Variants in PDE4B observed in about 807,000 individuals in gnomAD.
PDE4B encodes the protein phosphodiesterase 4B.
PDE4B carries 20 observed loss-of-function variants against 82.2 expected under a neutral mutation model. That is an observed-to-expected ratio of 0.24 (90% CI 0.17 to 0.35). PDE4B has a LOEUF of 0.35. Ranked by LOEUF, PDE4B falls within the 10% of genes least tolerant of loss-of-function variation. The pLI, the probability that PDE4B is intolerant of heterozygous loss-of-function variation, is 1.00. For synonymous variants in PDE4B, 320 were observed against 318.9 expected, an observed-to-expected ratio of 1.00 and a Z score of -0.04; for missense variants, 655 against 907.2, an observed-to-expected ratio of 0.72 and a Z score of 3.57.
At chr1:66,297,986 C>T (rs1476698956) in intron 7 of PDE4B, among the ~76,000 whole-genome samples, 1 of 152,048 alleles carries the variant, frequency 6.6e-6, no homozygotes, top group Non-Finnish European at 1.5e-5. Flanking sequence ...TAAAAGTCTG[C>T]CCAAAGCTGT....
intron 3 of PDE4B, chr1:66,112,795 A>G (rs1341431992): frequency 1.3e-5 from 2 of 152,222 alleles, no homozygotes; most frequent in Non-Finnish European, 2.9e-5. Context: ...ATGTCCATCC[A>G]TCAGCAAATC....
intron 1 of PDE4B, among the ~76,000 whole-genome samples, chr1:65,912,216 C>G (rs1247480372): frequency 2.0e-5 from 3 of 152,182 alleles, no homozygotes; most frequent in East Asian, 1.9e-4. Flanking sequence ...GTCTTGTAGT[C>G]TGTTGTATGA....
intron 2 of PDE4B, among the ~76,000 whole-genome samples, chr1:65,914,223 T>C (rs1647130282): frequency 6.6e-6 from 1 of 152,220 alleles, no homozygotes; most frequent in East Asian, 1.9e-4. Flanking sequence ...GCTCACCCTA[T>C]GGGCCCTGTG....
chr1:66,329,349 A>G (rs1163734170), intron 7 of PDE4B, among the ~76,000 whole-genome samples: 2 of 152,224 alleles, frequency 1.3e-5, no homozygotes, highest in Non-Finnish European at 2.9e-5. Flanking sequence ...AAGTATTTTA[A>G]AATAAAAAGT....
In PDE4B at chr1:65,922,625, C is replaced by G. The variant is rs370331719; in HGVS notation, c.281+3790C>G. 7.4e-4 allele frequency among the ~76,000 whole-genome samples: 113 copies of G among 152,290 alleles called. 2 individuals carry two copies. The South Asian group carries it at 0.023, about 31-fold the overall frequency. On this transcript the variant is annotated intron_variant, in intron 3 of 16. Transcript: ENST00000341517. ...ACACACATAAATAGAAGGCCTACCC[C>G]TACAAAACTTGTAGCATGGAGGATC... is the stretch of plus-strand genomic sequence containing the variant.
rs1206946727 is a variant in PDE4B, at chr1:65,926,810, G to T, written c.281+7975G>T. Among the ~76,000 whole-genome samples the T allele has an allele frequency of 2.0e-5, 3 of 151,304 alleles. No homozygotes were observed. In the East Asian group the frequency reaches 5.8e-4, roughly 29 times the overall value. On this transcript the variant is annotated intron_variant, in intron 3 of 16. Coordinates refer to ENST00000341517, the MANE Select transcript of PDE4B (RefSeq NM_002600.4). Reference sequence around the variant, plus strand: ...ACACACACACACACACACCCCTTAGGCATATCATATTCAAACTTCAGAAAA... The same window carrying T: ...ACACACACACACACACACCCCTTAGTCATATCATATTCAAACTTCAGAAAA...
At chr1:66,268,831 A>C (rs1655254627) in intron 7 of PDE4B, among the ~76,000 whole-genome samples, 1 of 151,894 alleles carries the variant, frequency 6.6e-6, no homozygotes, top group Non-Finnish European at 1.5e-5. Context: ...AAGTTGGCAT[A>C]ATTGCTCCTT....
At chr1:66,078,492 G>A (rs1450527932) in intron 3 of PDE4B, among the ~76,000 whole-genome samples, 1 of 152,078 alleles carries the variant, frequency 6.6e-6, no homozygotes, top group Non-Finnish European at 1.5e-5. Flanking sequence ...TTACAGGTGT[G>A]ACCCACCAAG....
At chr1:65,971,316 C>CTTTTTCTA (rs1025438855) in intron 3 of PDE4B, among the ~76,000 whole-genome samples, 2 of 151,982 alleles carry the variant, frequency 1.3e-5, no homozygotes, top group African/African-American at 4.8e-5. Flanking sequence ...AACTTGATTG[C>CTTTTTCTA]TTTTTCTATA....
chr1:66,355,312 T>A (rs1662150997), intron 8 of PDE4B: 1 of 424,896 alleles, frequency 2.4e-6, no homozygotes. Flanking sequence ...AGTAATCAGA[T>A]GTTAATTCTA....
intron 7 of PDE4B, chr1:66,331,784 A>G (rs1410776511): frequency 1.0e-6 from 1 of 985,326 alleles, no homozygotes; most frequent in East Asian, 1.1e-4. Context: ...CTCCCAGGCC[A>G]ATAAACGTGT....
At chr1:66,228,415 G>C (rs1194532576) in intron 3 of PDE4B, among the ~76,000 whole-genome samples, 5 of 152,090 alleles carry the variant, frequency 3.3e-5, no homozygotes, top group African/African-American at 4.8e-5. Flanking sequence ...ACGAGGTCAG[G>C]AGATCAAGAC....
At chr1:65,931,452 A>T (rs1647828251) in intron 3 of PDE4B, among the ~76,000 whole-genome samples, 1 of 152,212 alleles carries the variant, frequency 6.6e-6, no homozygotes, top group Non-Finnish European at 1.5e-5. Context: ...ACAAACAAGA[A>T]ACACCTCTCC....
chr1:66,044,548 T>C (rs72641139), intron 3 of PDE4B, among the ~76,000 whole-genome samples: 16 of 151,696 alleles, frequency 1.1e-4, no homozygotes, highest in Non-Finnish European at 1.5e-5. Flanking sequence ...TTTAAGTAAA[T>C]GTTTAAAACA....
At chr1:66,361,320 C>G (rs1377074512) in intron 9 of PDE4B, among the ~76,000 whole-genome samples, 1 of 152,126 alleles carries the variant, frequency 6.6e-6, no homozygotes, top group Non-Finnish European at 1.5e-5. Flanking sequence ...ACACTGAAAA[C>G]AGAAGATTTG....
chr1:66,358,913 G>A (rs1437663107), intron 9 of PDE4B, among the ~76,000 whole-genome samples: 4 of 152,078 alleles, frequency 2.6e-5, no homozygotes, highest in African/African-American at 9.7e-5. Context: ...AAAAAAAAGT[G>A]GTGCAGGAGG....
intron 3 of PDE4B, among the ~76,000 whole-genome samples, chr1:66,237,439 A>G (rs1314588785): frequency 1.3e-5 from 2 of 152,250 alleles, no homozygotes; most frequent in South Asian, 2.1e-4. Flanking sequence ...TTTTAAAAAT[A>G]TGAAGTTCTT....
intron 3 of PDE4B, among the ~76,000 whole-genome samples, chr1:65,972,693 C>T (rs1650206547): frequency 6.6e-6 from 1 of 152,116 alleles, no homozygotes; most frequent in South Asian, 2.1e-4. Flanking sequence ...TAAATTCTAT[C>T]TAATATACTC....
intron 1 of PDE4B, among the ~76,000 whole-genome samples, chr1:65,825,705 CCTATCTAT>C (rs57327589): frequency 0.038 from 4,087 of 107,360 alleles, 93 homozygotes; most frequent in Middle Eastern, 0.071. Context: ...AACAAAATTA[CCTATCTAT>C]CTATCTATCT....
Sources: allele counts gnomAD v4.1 joint callset (sites outside exome capture counted in the v4.1 genomes callset), GRCh38; gene constraint gnomAD v4.1.1; transcripts MANE v1.5; gene names NCBI Gene and HGNC (gene_info 2026-07-23, HGNC 2026-07-21).